The following WBP4 variants were observed in gnomAD, a reference collection of about 807,000 sequenced individuals.
The protein encoded by WBP4 is WW domain binding protein 4, also known as WW domain-binding protein 4.
Under a neutral mutation model 55.4 loss-of-function variants are expected in WBP4, and 37 were observed. That is an observed-to-expected ratio of 0.67 (90% confidence interval 0.51 to 0.88). WBP4 has a LOEUF of 0.88. WBP4 is among the 40% of genes least tolerant of loss of function. The pLI is 0.00. For missense variants in WBP4, 398 were observed against 420.8 expected, an observed-to-expected ratio of 0.95 and a Z score of 0.47; for synonymous variants, 142 against 140.2, an observed-to-expected ratio of 1.01 and a Z score of -0.09.
chr13:41,061,841 G>A (rs1016210211), intron 1 of WBP4, among the ~76,000 whole-genome samples, 166 bp downstream of exon 1: 1 of 152,184 alleles, frequency 6.6e-6, no homozygotes, highest in Non-Finnish European at 1.5e-5. Flanking sequence ...GGTTCTCAGG[G>A]CGGGGTAGAA....
At chr13:41,065,384 T>G in intron 4 of WBP4, 97 bp downstream of exon 4, 1 of 1,436,218 alleles carries the variant, frequency 7.0e-7, no homozygotes, top group Non-Finnish European at 9.1e-7. Context: ...AAAGAGGTTA[T>G]AAACTCAGTG....
chr13:41,080,982 G>A (rs893424884), intron 9 of WBP4, among the ~76,000 whole-genome samples, 173 bp downstream of exon 9: 11 of 151,438 alleles, frequency 7.3e-5, no homozygotes, highest in Non-Finnish European at 1.5e-4. Context: ...GGCGGATCAC[G>A]AGGTCAAGAG....
At chr13:41,064,168 A>G (rs1407370949) in intron 2 of WBP4, among the ~76,000 whole-genome samples, 2 of 151,936 alleles carry the variant, frequency 1.3e-5, no homozygotes, top group African/African-American at 2.4e-5. Context: ...TACTGTATAT[A>G]TTATTCTGCA....
intron 6 of WBP4, 150 bp from the exon 7 acceptor site, chr13:41,072,632 A>T (rs1310071953): frequency 4.7e-6 from 3 of 636,016 alleles, no homozygotes; most frequent in Non-Finnish European, 8.2e-6. Context: ...TTGGAGGATT[A>T]CAAGTCTACA....
At position 41,080,688 on chromosome 13, in the gene WBP4, C is replaced by A. The variant is rs779935394; in HGVS notation, c.799C>A (p.Gln267Lys). 1.6e-5 allele frequency: 25 copies of A among 1,598,714 alleles called. No homozygotes were observed. The highest frequency in any genetic ancestry group is 2.0e-5 in the Non-Finnish European group (24 of 1,176,550). Reference protein sequence around the residue: ...NSDGGSDPETQKEKSIQKQNS... With the variant: ...NSDGGSDPETKKEKSIQKQNS... ...TGATGGAGGAAGTGACCCAGAAACA[C>A]AGAAAGAAAAAAGTATTCAGAAACA... is the stretch of plus-strand genomic sequence containing the variant. The change falls in exon 9 of 10, where the codon CAG becomes AAG. Residue 267 changes from glutamine (Q) to lysine (K), a missense_variant. Gln to Lys is a moderately conservative substitution (Grantham distance 53, BLOSUM62 1). Transcript: ENST00000379487.
At position 41,082,829 on chromosome 13, in the gene WBP4, C is replaced by T; in HGVS notation, c.1046C>T (p.Ala349Val). Residue 349 changes from alanine to valine, a missense_variant, in exon 10 of 10, where the codon GCA (alanine) becomes GTA (valine). By Grantham distance (64) the Ala-to-Val change is moderately conservative (BLOSUM62 0). Coordinates refer to ENST00000379487, the MANE Select transcript of WBP4 (RefSeq NM_007187.5). ...ACAGTCACTTCTCTTGGAGTTATGGCAGATGGAGTGGCCCCAGTCTTCAAA... is the reference window on the plus strand; with the variant it reads ...ACAGTCACTTCTCTTGGAGTTATGGTAGATGGAGTGGCCCCAGTCTTCAAA... ...EKTVTSLGVM[A>V]DGVAPVFKKR... 1.9e-6 allele frequency: 3 copies of T among 1,614,008 alleles called. No individual in the cohort carries two copies. Among genetic ancestry groups the T allele is most frequent in the Non-Finnish European group, 2.5e-6 (3 of 1,180,004 alleles).
chr13:41,062,848 C>T (rs1877760140), intron 2 of WBP4, 132 bp downstream of exon 2: 3 of 670,120 alleles, frequency 4.5e-6, no homozygotes, highest in Non-Finnish European at 4.7e-6. Context: ...CAGAAGATTT[C>T]TGTCTTCTCA....
chr13:41,078,973 T>C lies in WBP4; in HGVS notation c.757-1673T>C, dbSNP rs142484228. ...AAATAGACAAATGGGAGGGACTTAA[T>C]TAAAAAGCTTATGCACAGCAAAAGA... On this transcript the variant is annotated intron_variant, in intron 8 of 9. Transcript: ENST00000379487. Among the ~76,000 whole-genome samples, 8 of 152,102 alleles carry C rather than the reference T, an allele frequency of 5.3e-5. No individual in the cohort carries two copies. In the East Asian group the frequency reaches 1.5e-3, roughly 29 times the overall value.
chr13:41,074,917 C>T (rs1308811971), intron 7 of WBP4, among the ~76,000 whole-genome samples: 1 of 152,070 alleles, frequency 6.6e-6, no homozygotes, highest in Non-Finnish European at 1.5e-5. Flanking sequence ...ATCGCTTGAA[C>T]CGGGGAGGTG....
At position 41,062,868 on chromosome 13, in the gene WBP4, G is replaced by A. The variant is rs1877761840; in HGVS notation, c.75+152G>A. ...GATTTCTGTCTTCTCAGTCCCCTATGAAAGCTGTGAGCCTTCTTCCTTTTC... is the reference window on the plus strand; with the variant it reads ...GATTTCTGTCTTCTCAGTCCCCTATAAAAGCTGTGAGCCTTCTTCCTTTTC... On this transcript the variant is annotated intron_variant, in intron 2 of 9. Coordinates refer to ENST00000379487, the MANE Select transcript of WBP4 (RefSeq NM_007187.5). 10 of 560,668 alleles carry A rather than the reference G, an allele frequency of 1.8e-5. No individual in the cohort carries two copies. In the South Asian group the frequency reaches 3.1e-4, roughly 17 times the overall value. 34.7% of individuals were successfully genotyped at this position (560,668 alleles called of 1,614,324 possible). A position where few individuals can be genotyped will look rare whatever the true frequency, so the allele number is the denominator to read the frequency against.
chr13:41,080,505 ATATT>A (rs1427898255), intron 8 of WBP4, 137 bp from the exon 9 acceptor site: 10 of 644,214 alleles, frequency 1.6e-5, no homozygotes, highest in Middle Eastern at 4.4e-4. Flanking sequence ...AGTTCTATGT[ATATT>A]TATTGTGTTA....
rs199616374 is a variant in WBP4, at chr13:41,065,064, A to G, written c.124A>G (p.Lys42Glu). Residue 42 changes from lysine to glutamate, a missense_variant, in exon 3 of 10, where the codon AAA becomes GAA. Physicochemically the swap from Lys to Glu is moderately conservative, Grantham distance 56 (BLOSUM62 1). Coordinates refer to ENST00000379487, the MANE Select transcript of WBP4 (RefSeq NM_007187.5). ...AAAGAATCATAAGGAAAATGTGGCA[A>G]AAAGGATCAGTGAGGTAATTTAGAT... ...RGKNHKENVAKRISEIKQKSL... is the reference protein window; with the variant it reads ...RGKNHKENVAERISEIKQKSL... 5 of 1,597,338 alleles carry G rather than the reference A, an allele frequency of 3.1e-6. No homozygotes were observed. The East Asian group carries it at 1.1e-4, about 36-fold the overall frequency.
Sources: gnomAD v4.1 joint callset for allele counts (sites outside exome capture counted in the v4.1 genomes callset) on GRCh38, gnomAD v4.1.1 for gene constraint, MANE v1.5 for transcripts, NCBI Gene and HGNC (gene_info 2026-07-23, HGNC 2026-07-21) for gene names.